Variants in SCHIP1 observed in about 807,000 individuals in gnomAD.
SCHIP1 encodes the protein schwannomin-interacting protein 1.
Under a neutral mutation model 29.7 loss-of-function variants are expected in SCHIP1, and 8 were observed. The ratio of observed to expected loss-of-function variants is 0.27; its 90% CI spans 0.16 to 0.49. The LOEUF (loss-of-function observed/expected upper bound fraction) is 0.49, where lower values mean the gene tolerates loss of function less well. Ranked by LOEUF, SCHIP1 falls within the 20% of genes least tolerant of loss-of-function variation. The pLI is 0.99. For missense variants in SCHIP1, 193 were observed against 294.6 expected, an observed-to-expected ratio of 0.66 and a Z score of 2.52; for synonymous variants, 76 against 94.9, an observed-to-expected ratio of 0.80 and a Z score of 1.16.
At chr3:159,703,101 G>A in the SCHIP1 span, among the ~76,000 whole-genome samples, 1 of 152,190 alleles carries the variant, frequency 6.6e-6, no homozygotes, top group Non-Finnish European at 1.5e-5. Flanking sequence ...TGAATTCATA[G>A]CATTGATCTT....
the SCHIP1 span, among the ~76,000 whole-genome samples, chr3:159,528,420 G>T: frequency 6.6e-6 from 1 of 152,152 alleles, no homozygotes; most frequent in Non-Finnish European, 1.5e-5. Flanking sequence ...TTCCCTTCGT[G>T]AAGGAAAAAG....
At chr3:159,713,222 GAGAAAGAAAGGA>G in the SCHIP1 span, among the ~76,000 whole-genome samples, 4 of 100,960 alleles carry the variant, frequency 4.0e-5, no homozygotes, top group East Asian at 2.9e-4. Context: ...GAGAGAGAGA[GAGAAAGAAAGGA>G]AGAAAGAAAG....
the SCHIP1 span, among the ~76,000 whole-genome samples, chr3:159,586,082 G>T: frequency 6.6e-6 from 1 of 152,006 alleles, no homozygotes; most frequent in African/African-American, 2.4e-5. Flanking sequence ...ATAAGCTTTG[G>T]TTTTTCCTCA....
At chr3:159,582,783 T>TACACACACAC in the SCHIP1 span, among the ~76,000 whole-genome samples, 24 of 84,160 alleles carry the variant, frequency 2.9e-4, no homozygotes, top group African/African-American at 8.2e-4. Context: ...CTGAAATATA[T>TACACACACAC]ATATACACAC....
chr3:159,863,500 T>C, intron 1 of SCHIP1, among the ~76,000 whole-genome samples: 1 of 152,212 alleles, frequency 6.6e-6, no homozygotes, highest in East Asian at 1.9e-4. Flanking sequence ...TTTTAAAAGA[T>C]TTTAAAATTG....
At chr3:159,274,908 C>A in the SCHIP1 span, 1 of 827,148 alleles carries the variant, frequency 1.2e-6, no homozygotes, top group Non-Finnish European at 1.5e-6. Context: ...TATTTAAAAA[C>A]CAGTAGTAAA....
the SCHIP1 span, among the ~76,000 whole-genome samples, chr3:159,736,911 T>A: frequency 6.6e-6 from 1 of 152,114 alleles, no homozygotes; most frequent in Non-Finnish European, 1.5e-5. Context: ...ATTTTTTGTA[T>A]TTTTAGTAGA....
At chr3:159,718,801 C>T in the SCHIP1 span, among the ~76,000 whole-genome samples, 1 of 152,252 alleles carries the variant, frequency 6.6e-6, no homozygotes, top group African/African-American at 2.4e-5. Context: ...AAAATGGCCA[C>T]ACTTCCCAAG....
chr3:159,368,269 A>G, the SCHIP1 span, among the ~76,000 whole-genome samples: 1 of 152,146 alleles, frequency 6.6e-6, no homozygotes, highest in Non-Finnish European at 1.5e-5. Context: ...GTGCTACTGT[A>G]AGATGCTGCT....
chr3:159,609,521 C>T, the SCHIP1 span, among the ~76,000 whole-genome samples: 14 of 152,180 alleles, frequency 9.2e-5, no homozygotes, highest in African/African-American at 2.7e-4. Flanking sequence ...AAGTATTTCT[C>T]GTTGGCCTTC....
At chr3:159,746,093 T>C in the SCHIP1 span, among the ~76,000 whole-genome samples, 77 of 152,366 alleles carry the variant, frequency 5.1e-4, no homozygotes, top group African/African-American at 1.8e-3. Context: ...CATTGTACTA[T>C]ACAATTACGT....
At chr3:159,336,221 T>G in the SCHIP1 span, among the ~76,000 whole-genome samples, 1 of 152,184 alleles carries the variant, frequency 6.6e-6, no homozygotes, top group African/African-American at 2.4e-5. Context: ...TTTGTTTGAG[T>G]TCATTGTAGA....
the SCHIP1 span, among the ~76,000 whole-genome samples, chr3:159,322,950 A>G: frequency 2.6e-5 from 4 of 152,200 alleles, no homozygotes; most frequent in African/African-American, 9.7e-5. Flanking sequence ...CTCCTCAGTG[A>G]CCATCACAGT....
At chr3:159,643,934 CTCATCG>C in the SCHIP1 span, among the ~76,000 whole-genome samples, 1 of 152,120 alleles carries the variant, frequency 6.6e-6, no homozygotes, top group South Asian at 2.1e-4. Context: ...GCGAGCACCA[CTCATCG>C]TCAACCCTAT....
chr3:159,694,022 G>A, the SCHIP1 span, among the ~76,000 whole-genome samples: 1 of 152,118 alleles, frequency 6.6e-6, no homozygotes, highest in Non-Finnish European at 1.5e-5. Context: ...GTGAGCACCT[G>A]TAGGCGAATA....
the SCHIP1 span, among the ~76,000 whole-genome samples, chr3:159,277,345 A>C: frequency 1.3e-5 from 2 of 152,206 alleles, no homozygotes; most frequent in African/African-American, 4.8e-5. Context: ...AAGAATATAA[A>C]GCTTCAGTGC....
the SCHIP1 span, among the ~76,000 whole-genome samples, chr3:159,325,213 T>C: frequency 6.6e-6 from 1 of 152,122 alleles, no homozygotes; most frequent in Non-Finnish European, 1.5e-5. Context: ...AGATAAGAAT[T>C]AGCAGTATTT....
the SCHIP1 span, among the ~76,000 whole-genome samples, chr3:159,543,601 T>C: frequency 6.6e-6 from 1 of 151,934 alleles, no homozygotes; most frequent in African/African-American, 2.4e-5. Flanking sequence ...CCACATTTTC[T>C]TAATCCAGTC....
intron 1 of SCHIP1, among the ~76,000 whole-genome samples, chr3:159,864,632 A>G (rs935082541): frequency 6.6e-6 from 1 of 152,266 alleles, no homozygotes; most frequent in African/African-American, 2.4e-5. Context: ...ATGGTGTCCA[A>G]GGATTAAAAA....
Sources: gnomAD v4.1 joint callset for allele counts (sites outside exome capture counted in the v4.1 genomes callset) on GRCh38, gnomAD v4.1.1 for gene constraint, MANE v1.5 for transcripts, NCBI Gene and HGNC (gene_info 2026-07-23, HGNC 2026-07-21) for gene names.